The following DNAH7 variants were observed in gnomAD, a reference collection of about 807,000 sequenced individuals.
DNAH7 encodes the protein axonemal beta dynein heavy chain 7.
A neutral mutation model predicts 444.6 loss-of-function variants in DNAH7; 397 were observed. The ratio of observed to expected loss-of-function variants is 0.89; its 90% CI spans 0.82 to 0.97. The LOEUF is 0.97. Ranked by LOEUF, DNAH7 falls within the 50% of genes least tolerant of loss-of-function variation. The pLI is 0.00. For synonymous variants in DNAH7, 1,636 were observed against 1,624.4 expected (o/e 1.01, Z -0.17); for missense variants, 4,902 against 4,800.8 (o/e 1.02, Z -0.62).
In DNAH7 at chr2:195,960,300, G is replaced by A. The variant is rs764315694; in HGVS notation, c.2851C>T (p.Arg951Ter). Residue 951 changes from arginine to a stop codon, truncating the protein, a stop_gained, in exon 18 of 65, where the codon CGA (arginine) becomes TGA (stop). Coordinates refer to ENST00000312428, the MANE Select transcript of DNAH7 (RefSeq NM_018897.3). LOFTEE classifies it high-confidence loss of function. ...TAAGGCTTAATGAAAGGAGATCCTC[G>A]CATAGTTTGTGTTTTAATAATATGG... ...DDHIIKTQTM[R>*]GSPFIKPYEK... The A allele has an allele frequency of 6.1e-5, 98 of 1,613,130 alleles. No homozygotes were observed. Among genetic ancestry groups the A allele is most frequent in the Non-Finnish European group, 6.9e-5 (81 of 1,179,850 alleles).
chr2:196,057,829 C>G (rs1188596890), intron 2 of DNAH7, among the ~76,000 whole-genome samples: 2 of 152,168 alleles, frequency 1.3e-5, no homozygotes, highest in African/African-American at 4.8e-5. Context: ...CTAACCTGGA[C>G]CCAACCATCC....
intron 36 of DNAH7, among the ~76,000 whole-genome samples, chr2:195,878,424 T>C (rs1051049003): frequency 6.6e-6 from 1 of 151,904 alleles, no homozygotes; most frequent in Admixed American, 6.6e-5. Flanking sequence ...CTCGGCCACA[T>C]AGCAAGATCC....
In DNAH7 at chr2:195,801,158, T is replaced by C. The variant is rs577256058; in HGVS notation, c.10177-1686A>G. Among the ~76,000 whole-genome samples, 669 of 152,290 alleles carry C rather than the reference T, an allele frequency of 4.4e-3. 5 individuals are homozygous for C. Among genetic ancestry groups the C allele is most frequent in the Non-Finnish European group, 7.9e-3 (535 of 68,026 alleles). ...CTTTCCAGCCTGTAGAACCATGAGT[T>C]TCTAATCTCTCTTCTTTATAAGTGA... On this transcript the variant is annotated intron_variant, in intron 54 of 64. Transcript: ENST00000312428.
rs757424049 is a variant in DNAH7 at position 195,855,807 on chromosome 2, A to G, written c.8595+4T>C. ...TGTCCATCTTTTTCTATATCAGCAC[A>G]CACCTGGTTTTCCAGGTCAGCCTTC... is the stretch of plus-strand genomic sequence containing the variant. On this transcript the variant is annotated splice_donor_region_variant and intron_variant, in intron 45 of 64. Coordinates refer to ENST00000312428, the MANE Select transcript of DNAH7 (RefSeq NM_018897.3). The G allele has an allele frequency of 3.7e-6, 6 of 1,612,312 alleles. No homozygotes were observed. The East Asian group carries it at 1.1e-4, about 30-fold the overall frequency.
intron 55 of DNAH7, among the ~76,000 whole-genome samples, chr2:195,797,518 T>C (rs1429784406): frequency 2.6e-5 from 4 of 152,194 alleles, no homozygotes; most frequent in African/African-American, 9.7e-5. Context: ...AATAATCATA[T>C]GTACAGTGTG....
chr2:195,900,347 G>A lies in DNAH7; in HGVS notation c.4483C>T (p.Gln1495Ter). 7 of 1,613,998 alleles carry A rather than the reference G, an allele frequency of 4.3e-6. No individual in the cohort carries two copies. The highest frequency in any genetic ancestry group is 5.9e-6 in the Non-Finnish European group (7 of 1,179,936). ...CTCATTCCATAGTCGTAGTGATGTTGAGATGACAGCTGCTCTGAACACAAG... is the reference window on the plus strand; with the variant it reads ...CTCATTCCATAGTCGTAGTGATGTTAAGATGACAGCTGCTCTGAACACAAG... ...YRLCSEQLSS[Q>*]HHYDYGMRAV... Residue 1495 changes from glutamine (Q) to a stop codon, truncating the protein, a stop_gained, in exon 28 of 65, where the codon CAA (glutamine) becomes TAA (stop). Transcript: ENST00000312428. LOFTEE classifies it high-confidence loss of function.
chr2:196,058,140 A>C, intron 1 of DNAH7, 24 bp from the exon 2 acceptor site: 1 of 1,559,692 alleles, frequency 6.4e-7, no homozygotes, highest in South Asian at 1.2e-5. Flanking sequence ...ATGAAAAAAC[A>C]AAACTGTTTA....
intron 15 of DNAH7, among the ~76,000 whole-genome samples, chr2:195,982,351 A>T (rs1329210699): frequency 6.6e-6 from 1 of 152,236 alleles, no homozygotes; most frequent in Non-Finnish European, 1.5e-5. Context: ...GAGAATGCAG[A>T]GAAAAGGGAA....
At chr2:195,846,279 TAGAG>T (rs1424867175) in intron 46 of DNAH7, among the ~76,000 whole-genome samples, 1 of 152,156 alleles carries the variant, frequency 6.6e-6, no homozygotes, top group Non-Finnish European at 1.5e-5. Context: ...CGCTAGTCAT[TAGAG>T]AAATACAAAT....
Position 195,911,194 on chromosome 2 carries a change from T to C in DNAH7, c.3936-999A>G, listed in dbSNP as rs991351290. ...AAATGGCGTCCTACTCTCTATGGTA[T>C]CCTGGCGGTCTGTTAAATGAGATTT... On this transcript the variant is annotated intron_variant, in intron 24 of 64. Coordinates refer to ENST00000312428, the MANE Select transcript of DNAH7 (RefSeq NM_018897.3). 1.4e-4 allele frequency among the ~76,000 whole-genome samples: 21 copies of C among 152,172 alleles called. 1 individual carries two copies. Among genetic ancestry groups the C allele is most frequent in the Admixed American group, 6.5e-5 (1 of 15,278 alleles).
chr2:195,945,331 G>A (rs551648495), intron 19 of DNAH7, among the ~76,000 whole-genome samples: 82 of 152,264 alleles, frequency 5.4e-4, no homozygotes, highest in African/African-American at 1.8e-3. Context: ...GAAATACTGA[G>A]TTCAACAACC....
intron 5 of DNAH7, among the ~76,000 whole-genome samples, chr2:196,039,806 C>G (rs1439381358): frequency 1.4e-5 from 2 of 143,688 alleles, no homozygotes; most frequent in Admixed American, 6.9e-5. Flanking sequence ...AAAAAAAAGA[C>G]AAAAAAAAGA....
chr2:195,869,299 G>A (rs894160933), intron 40 of DNAH7, among the ~76,000 whole-genome samples: 4 of 151,598 alleles, frequency 2.6e-5, no homozygotes, highest in Admixed American at 2.6e-4. Flanking sequence ...GAGTTTCTCG[G>A]GGGATCCCTT....
rs1399261736 is a variant in DNAH7, at chr2:195,888,866, A to G, written c.5162T>C (p.Ile1721Thr). 6.2e-7 allele frequency: 1 copy of G among 1,614,058 alleles called. No homozygotes were observed. The highest frequency in any genetic ancestry group is 8.5e-7 in the Non-Finnish European group (1 of 1,179,972). Residue 1721 changes from isoleucine (I) to threonine (T), a missense_variant, in exon 32 of 65, where the codon ATT becomes ACT. By Grantham distance (89) the Ile-to-Thr change is moderately conservative. Coordinates refer to ENST00000312428, the MANE Select transcript of DNAH7 (RefSeq NM_018897.3). ...KKLCLMSGEIIQMSPQMNLIF... is the reference protein window; with the variant it reads ...KKLCLMSGEITQMSPQMNLIF... ...TAGATTCATTTGTGGTGACATCTGA[A>G]TAATCTCCCCACTCATCAGACATAG...
chr2:195,888,750 T>C (rs1701847806), intron 32 of DNAH7, 49 bp downstream of exon 32: 3 of 1,555,070 alleles, frequency 1.9e-6, no homozygotes, highest in African/African-American at 1.4e-5. Context: ...AATACATGCA[T>C]TTATAACATT....
chr2:195,899,151 C>T lies in DNAH7; in HGVS notation c.4548+1131G>A, dbSNP rs556355677. On this transcript the variant is annotated intron_variant, in intron 28 of 64. Transcript: ENST00000312428. ...GTTGATCTGGATTTTGTTTTTGGAT[C>T]AATCTAACTGCACATCAATTATGCA... Among the ~76,000 whole-genome samples, 11 of 152,302 alleles carry T rather than the reference C, an allele frequency of 7.2e-5. No individual in the cohort carries two copies. The South Asian group carries it at 2.3e-3, about 32-fold the overall frequency.
At chr2:195,816,584 C>A (rs1386839350) in intron 51 of DNAH7, 44 bp downstream of exon 51, 1 of 1,376,728 alleles carries the variant, frequency 7.3e-7, no homozygotes, top group Admixed American at 2.0e-5. Context: ...TCTCTGATTT[C>A]ATGCATTAAT....
intron 24 of DNAH7, among the ~76,000 whole-genome samples, chr2:195,920,812 A>G (rs1452503900): frequency 1.8e-4 from 27 of 152,204 alleles, no homozygotes; most frequent in Admixed American, 1.8e-3. Context: ...ATATTTGCAA[A>G]CTATGCATCT....
At chr2:196,033,913 G>A (rs756948628) in intron 5 of DNAH7, among the ~76,000 whole-genome samples, 3 of 152,106 alleles carry the variant, frequency 2.0e-5, no homozygotes, top group Non-Finnish European at 4.4e-5. Context: ...CATCAACACT[G>A]TACAAAGGTT....
Sources: gnomAD v4.1 joint callset for allele counts (sites outside exome capture counted in the v4.1 genomes callset) on GRCh38, gnomAD v4.1.1 for gene constraint, MANE v1.5 for transcripts, NCBI Gene and HGNC (gene_info 2026-07-23, HGNC 2026-07-21) for gene names.